Variants in EZH2 observed in about 807,000 individuals in gnomAD.
EZH2 encodes histone-lysine N-methyltransferase EZH2.
A neutral mutation model predicts 98.4 loss-of-function variants in EZH2; 18 were observed. That is an observed-to-expected ratio of 0.18 (90% confidence interval 0.13 to 0.27). The LOEUF (loss-of-function observed/expected upper bound fraction) is 0.27, where lower values mean the gene tolerates loss of function less well. Ranked by LOEUF, EZH2 falls within the 10% of genes least tolerant of loss-of-function variation. The pLI is 1.00. For synonymous variants in EZH2, 338 were observed against 312.3 expected (o/e 1.08, Z -0.87); for missense variants, 470 against 935.1 (o/e 0.50, Z 6.49).
intron 1 of EZH2, among the ~76,000 whole-genome samples, chr7:148,875,847 A>G (rs1157477266): frequency 6.6e-6 from 1 of 152,232 alleles, no homozygotes; most frequent in African/African-American, 2.4e-5. Flanking sequence ...CATGCCTACA[A>G]TGGAATATTA....
intron 15 of EZH2, among the ~76,000 whole-genome samples, chr7:148,813,294 AAAG>A (rs780152062): frequency 4.6e-5 from 7 of 151,378 alleles, no homozygotes; most frequent in African/African-American, 9.8e-5. Context: ...ATTATTATAA[AAAG>A]AACTGACTGA....
At chr7:148,833,637 T>C (rs1165973505) in intron 3 of EZH2, among the ~76,000 whole-genome samples, 1 of 152,194 alleles carries the variant, frequency 6.6e-6, no homozygotes, top group Non-Finnish European at 1.5e-5. Context: ...AAGTCTATTC[T>C]GCAAAACTGT....
intron 1 of EZH2, among the ~76,000 whole-genome samples, chr7:148,848,627 AC>A (rs1228224633): frequency 6.6e-6 from 1 of 152,212 alleles, no homozygotes; most frequent in Non-Finnish European, 1.5e-5. Context: ...CAGAGCTGTA[AC>A]AAAGGGGCGA....
chr7:148,859,324 G>A (rs868318966), intron 1 of EZH2, among the ~76,000 whole-genome samples: 57 of 152,174 alleles, frequency 3.7e-4, no homozygotes, highest in African/African-American at 1.3e-3. Flanking sequence ...TGGCCAAGAC[G>A]GTGAAACCCC....
Position 148,834,352 on chromosome 7 carries a change from TACACACACAC to T in EZH2, c.247-1612_247-1603del, listed in dbSNP as rs10542159. Among the ~76,000 whole-genome samples the T allele has an allele frequency of 6.7e-4, 96 of 143,386 alleles. No individual in the cohort carries two copies. The East Asian group carries it at 7.6e-3, about 11-fold the overall frequency. 94.1% of individuals were successfully genotyped at this position (143,386 alleles called of 152,430 possible). Reference sequence around the variant, plus strand: ...TGAAAAATCATTATATATATATATATACACACACACACACACACACACACACACACATATT... The same window carrying T: ...TGAAAAATCATTATATATATATATATACACACACACACACACACACATATT... On this transcript the variant is annotated intron_variant, in intron 3 of 19. Coordinates refer to ENST00000320356, the MANE Select transcript of EZH2 (RefSeq NM_004456.5).
intron 1 of EZH2, among the ~76,000 whole-genome samples, chr7:148,848,596 G>A (rs1468032232): frequency 6.6e-6 from 1 of 152,200 alleles, no homozygotes; most frequent in East Asian, 1.9e-4. Context: ...AGATGACAGA[G>A]AAGGCAGATG....
chr7:148,843,530 A>T (rs1390507110), intron 3 of EZH2, among the ~76,000 whole-genome samples: 1 of 151,500 alleles, frequency 6.6e-6, no homozygotes, highest in African/African-American at 2.4e-5. Context: ...GGAGAAAATC[A>T]GTCATTTTCA....
At position 148,819,663 on chromosome 7, in the gene EZH2, T is replaced by G. The variant is rs766875832; in HGVS notation, c.932A>C (p.Tyr311Ser). The G allele has an allele frequency of 6.2e-7, 1 of 1,614,166 alleles. No homozygotes were observed. Among genetic ancestry groups the G allele is most frequent in the Non-Finnish European group, 8.5e-7 (1 of 1,179,976 alleles). ...NYSFHATPNT[Y>S]KRKNTETALD... The stretch of plus-strand genomic sequence containing the variant: ...AGCTGTTTCTGTGTTCTTCCGCTTA[T>G]AAGTGTTGGGTGTTGCATGAAAAGC... The change falls in exon 9 of 20, where the codon TAT becomes TCT. Residue 311 changes from tyrosine to serine, a missense_variant. Transcript: ENST00000320356.
At chr7:148,883,343 A>G (rs1821282277) in intron 1 of EZH2, 1 of 152,336 alleles carries the variant, frequency 6.6e-6, no homozygotes, top group Non-Finnish European at 1.5e-5. Flanking sequence ...CCAGAAACAC[A>G]ATCAATAGAG....
chr7:148,880,961 C>G (rs942699498), intron 1 of EZH2, among the ~76,000 whole-genome samples: 1 of 152,194 alleles, frequency 6.6e-6, no homozygotes, highest in Non-Finnish European at 1.5e-5. Context: ...CCTGTGGGAA[C>G]ACAAGAGTGG....
At chr7:148,817,441 T>A in intron 10 of EZH2, 50 bp from the exon 11 acceptor site, 1 of 1,573,886 alleles carries the variant, frequency 6.4e-7, no homozygotes, top group Non-Finnish European at 8.7e-7. Flanking sequence ...GAAATAATAT[T>A]AAGAAGTACA....
Position 148,807,606 on chromosome 7 carries a change from A to G in EZH2, c.*40T>C, listed in dbSNP as rs1801804506. On this transcript the variant is annotated 3_prime_UTR_variant, in exon 20 of 20. Transcript: ENST00000320356. ...ACAGTACTCGAGGTTCCTGAAGCTA[A>G]GGCAGCTGTTTCAGAGGAGGGGGGA... The G allele has an allele frequency of 6.7e-7, 1 of 1,499,522 alleles. No homozygotes were observed. The allele number at this position is 1,499,522 out of a possible 1,614,324, so 92.9% of individuals were successfully genotyped here.
At chr7:148,861,731 G>A (rs911988009) in intron 1 of EZH2, among the ~76,000 whole-genome samples, 13 of 151,702 alleles carry the variant, frequency 8.6e-5, no homozygotes, top group African/African-American at 2.7e-4. Context: ...AGCACTTTGC[G>A]GGGCTGAGGC....
chr7:148,876,819 G>A (rs529503092), intron 1 of EZH2, among the ~76,000 whole-genome samples: 1 of 152,290 alleles, frequency 6.6e-6, no homozygotes, highest in South Asian at 2.1e-4. Flanking sequence ...CTTCAGGGAA[G>A]TGGGGTGGTA....
At chr7:148,827,051 C>T (rs1394989958) in intron 7 of EZH2, 113 bp downstream of exon 7, 3 of 751,634 alleles carry the variant, frequency 4.0e-6, no homozygotes, top group Non-Finnish European at 6.6e-6. Flanking sequence ...CTTGCAAACA[C>T]TGTAAACAAA....
chr7:148,844,603 T>C (rs1166300497), intron 3 of EZH2, among the ~76,000 whole-genome samples: 1 of 152,216 alleles, frequency 6.6e-6, no homozygotes, highest in African/African-American at 2.4e-5. Context: ...TCTGCGTGTG[T>C]GTGTGGTACT....
At chr7:148,871,259 T>G (rs867297817) in intron 1 of EZH2, among the ~76,000 whole-genome samples, 2 of 152,156 alleles carry the variant, frequency 1.3e-5, no homozygotes, top group African/African-American at 4.8e-5. Flanking sequence ...GTAAAAATCG[T>G]GCAGCCATTA....
intron 1 of EZH2, among the ~76,000 whole-genome samples, chr7:148,870,012 C>T (rs574123836): frequency 3.4e-4 from 52 of 152,094 alleles, no homozygotes; most frequent in African/African-American, 1.1e-3. Flanking sequence ...CTTGAGCCCA[C>T]GAGTTTGAGA....
At chr7:148,865,938 A>G (rs1818376728) in intron 1 of EZH2, among the ~76,000 whole-genome samples, 1 of 152,188 alleles carries the variant, frequency 6.6e-6, no homozygotes, top group Non-Finnish European at 1.5e-5. Flanking sequence ...AGGAAGTACC[A>G]ATGTCTGCAA....
Sources: gnomAD v4.1 joint callset for allele counts (sites outside exome capture counted in the v4.1 genomes callset) on GRCh38, gnomAD v4.1.1 for gene constraint, MANE v1.5 for transcripts, NCBI Gene and HGNC (gene_info 2026-07-23, HGNC 2026-07-21) for gene names.